NR1I2: variants seen among roughly 807,000 people sequenced by gnomAD.
NR1I2 encodes orphan nuclear receptor PAR1.
NR1I2 carries 42 observed loss-of-function variants against 43.3 expected under a neutral mutation model. The ratio of observed to expected loss-of-function variants is 0.97; its 90% CI spans 0.76 to 1.26. The LOEUF is 1.26. Among genes scored for constraint, NR1I2 ranks in the 50% most tolerant of loss-of-function variants. The pLI is 0.00. For missense variants in NR1I2, 559 were observed against 566.7 expected, an observed-to-expected ratio of 0.99 and a Z score of 0.14; for synonymous variants, 229 against 215.0, an observed-to-expected ratio of 1.06 and a Z score of -0.57.
intron 1 of NR1I2, among the ~76,000 whole-genome samples, chr3:119,783,780 A>G (rs2054809777): frequency 6.6e-6 from 1 of 152,122 alleles, no homozygotes; most frequent in South Asian, 2.1e-4. Context: ...CTGCCAGACC[A>G]TTGTGTCTGT....
chr3:119,813,615 C>T (rs892047251), intron 5 of NR1I2, among the ~76,000 whole-genome samples: 7 of 152,138 alleles, frequency 4.6e-5, no homozygotes, highest in African/African-American at 1.7e-4. Context: ...CTGAAACACA[C>T]CTGCCACAAG....
rs372380275 is a variant in NR1I2, at chr3:119,810,017, C to T, written c.198-44C>T. 31 of 1,612,730 alleles carry T rather than the reference C, an allele frequency of 1.9e-5. No homozygotes were observed. In the South Asian group the frequency reaches 3.1e-4, roughly 16 times the overall value. On this transcript the variant is annotated intron_variant, in intron 2 of 8. Transcript: ENST00000393716. ...GGCCCGGAGCCCCAGGCCGAGGGCC[C>T]GGGCACCCGTGCATCCCCCCTTCTG...
chr3:119,816,437 G>C (rs929419351), intron 8 of NR1I2, among the ~76,000 whole-genome samples: 6 of 152,128 alleles, frequency 3.9e-5, no homozygotes, highest in African/African-American at 1.4e-4. Flanking sequence ...CCTGGCCCCT[G>C]GACATTAACG....
chr3:119,789,629 A>G (rs1220492375), intron 1 of NR1I2, among the ~76,000 whole-genome samples: 1 of 152,184 alleles, frequency 6.6e-6, no homozygotes, highest in Non-Finnish European at 1.5e-5. Context: ...CAGCCAAACC[A>G]TATCAACTAT....
intron 1 of NR1I2, among the ~76,000 whole-genome samples, chr3:119,789,523 G>A (rs557752402): frequency 3.9e-5 from 6 of 152,250 alleles, no homozygotes; most frequent in South Asian, 2.1e-4. Context: ...AGTATTGGGG[G>A]AACCGCCCCC....
Position 119,811,587 on chromosome 3 carries a change from G to T in NR1I2, c.380G>T (p.Arg127Leu), listed in dbSNP as rs371659081. The change falls in exon 4 of 9, where the codon CGG becomes CTG. Residue 127 changes from arginine to leucine, a missense_variant. By Grantham distance (102) the Arg-to-Leu change is moderately radical (BLOSUM62 -2). Around this residue, in one of 3 missense-constraint regions of NR1I2, gnomAD observed 232 missense variants for 236.6 expected, o/e 0.98. Transcript: ENST00000393716. The stretch of plus-strand genomic sequence containing the variant: ...GAGGAGAGGCGGGCCTTGATCAAGC[G>T]GAAGAAAAGTGAACGGACAGGGACT... 2 of 1,613,780 alleles carry T rather than the reference G, an allele frequency of 1.2e-6. No homozygotes were observed. The highest frequency in any genetic ancestry group is 2.2e-5 in the South Asian group (2 of 91,008).
chr3:119,785,215 C>T (rs1559781411), intron 1 of NR1I2, among the ~76,000 whole-genome samples: 1 of 152,184 alleles, frequency 6.6e-6, no homozygotes. Flanking sequence ...CTTAGATGTC[C>T]TAGGAATTCT....
chr3:119,798,241 A>G (rs2107958596), intron 1 of NR1I2, among the ~76,000 whole-genome samples: 1 of 152,054 alleles, frequency 6.6e-6, no homozygotes, highest in Admixed American at 6.5e-5. Flanking sequence ...GCTTCGGTTT[A>G]TATATTTTCT....
At chr3:119,788,091 T>C (rs1320280430) in intron 1 of NR1I2, among the ~76,000 whole-genome samples, 1 of 144,968 alleles carries the variant, frequency 6.9e-6, no homozygotes, top group Non-Finnish European at 1.5e-5. Flanking sequence ...ACCCTCAAAG[T>C]ACATTGACTT....
chr3:119,791,847 G>A (rs926124901), intron 1 of NR1I2: 8 of 556,906 alleles, frequency 1.4e-5, no homozygotes, highest in African/African-American at 3.8e-5. Context: ...TGAGTCCATC[G>A]GCAAGTTTGG....
At chr3:119,794,677 C>T (rs560690912) in intron 1 of NR1I2, among the ~76,000 whole-genome samples, 2 of 152,188 alleles carry the variant, frequency 1.3e-5, no homozygotes, top group African/African-American at 4.8e-5. Flanking sequence ...ATGGTTCATG[C>T]CTGTAATCCC....
chr3:119,801,908 T>C (rs892362021), intron 1 of NR1I2, among the ~76,000 whole-genome samples: 3 of 152,158 alleles, frequency 2.0e-5, no homozygotes, highest in Non-Finnish European at 4.4e-5. Context: ...TCACATGGCC[T>C]CTCCGCATGG....
At chr3:119,813,096 G>A (rs772972378) in intron 5 of NR1I2, 136 bp downstream of exon 5, 7 of 1,011,392 alleles carry the variant, frequency 6.9e-6, no homozygotes, top group South Asian at 4.3e-5. Flanking sequence ...CCCTTTCCCC[G>A]GGCAGCCAGT....
chr3:119,805,868 C>T (rs1278454825), intron 1 of NR1I2, among the ~76,000 whole-genome samples: 2 of 152,168 alleles, frequency 1.3e-5, no homozygotes, highest in African/African-American at 2.4e-5. Context: ...TGCAAGCCTA[C>T]ATAAAGTCAG....
chr3:119,808,083 G>A (rs1191697474), intron 2 of NR1I2, among the ~76,000 whole-genome samples: 1 of 152,218 alleles, frequency 6.6e-6, no homozygotes, highest in Non-Finnish European at 1.5e-5. Flanking sequence ...TATAACAGGG[G>A]TGAGACACAT....
chr3:119,793,108 C>T (rs923354750), intron 1 of NR1I2, among the ~76,000 whole-genome samples: 11 of 152,282 alleles, frequency 7.2e-5, no homozygotes, highest in African/African-American at 2.6e-4. Context: ...TCACCTTCCA[C>T]CATGCTTGGA....
chr3:119,786,461 T>A (rs1169514058), intron 1 of NR1I2, among the ~76,000 whole-genome samples: 1 of 152,306 alleles, frequency 6.6e-6, no homozygotes, highest in South Asian at 2.1e-4. Flanking sequence ...AAGAGACATA[T>A]CCAAATCCCT....
chr3:119,807,993 C>T (rs756586101), intron 2 of NR1I2, among the ~76,000 whole-genome samples: 3 of 152,158 alleles, frequency 2.0e-5, no homozygotes, highest in Non-Finnish European at 2.9e-5. Context: ...CAGCCCTTTG[C>T]AGAGTTCTTC....
At chr3:119,813,045 T>C (rs2055267130) in intron 5 of NR1I2, 85 bp downstream of exon 5, 1 of 1,451,988 alleles carries the variant, frequency 6.9e-7, no homozygotes, top group Non-Finnish European at 9.5e-7. Context: ...AGATCCTGAA[T>C]TTGGGGGATA....
Sources: allele counts gnomAD v4.1 joint callset (sites outside exome capture counted in the v4.1 genomes callset), GRCh38; gene constraint gnomAD v4.1.1; regional missense constraint gnomAD v4.1.1; transcripts MANE v1.5; gene names NCBI Gene and HGNC (gene_info 2026-07-23, HGNC 2026-07-21).